The following FREM1 variants were observed in gnomAD, a reference collection of about 807,000 sequenced individuals.
The protein encoded by FREM1 is FRAS1 related extracellular matrix 1, also known as FRAS1-related extracellular matrix protein 1.
FREM1 carries 220 observed loss-of-function variants against 210.1 expected under a neutral mutation model. The ratio of observed to expected loss-of-function variants is 1.05; its 90% CI spans 0.94 to 1.17. The LOEUF is 1.17. Ranked by LOEUF, FREM1 falls within the 50% of genes most tolerant of loss-of-function variation. The probability of loss-of-function intolerance (pLI) is 0.00; values close to 1 mark genes in which losing one functional copy is unlikely to be tolerated. For missense variants in FREM1, 3,454 were observed against 2,675.5 expected (o/e 1.29, Z -6.42); for synonymous variants, 1,189 against 980.2 (o/e 1.21, Z -3.98).
chr9:14,857,446 A>G (rs565682389), intron 5 of FREM1, 107 bp downstream of exon 5: 725 of 989,840 alleles, frequency 7.3e-4, no homozygotes, highest in Middle Eastern at 1.2e-3. Context: ...TTTACCCCCA[A>G]AAGCACAGGA....
rs1554708124 is a variant in FREM1 at position 14,861,036 on chromosome 9, T to TACATATAC, written c.330-1553_330-1552insGTATATGT. On this transcript the variant is annotated intron_variant, in intron 3 of 36. Transcript: ENST00000380880. Reference sequence around the variant, plus strand: ...ACATATATACACATATATACATATATACATATATACATATATACATATATA... The same window carrying TACATATAC: ...ACATATATACACATATATACATATATACATATACACATATATACATATATACATATATA... Among the ~76,000 whole-genome samples, 19 of 65,772 alleles carry TACATATAC rather than the reference T, an allele frequency of 2.9e-4. 2 individuals are homozygous for TACATATAC. In the East Asian group the frequency reaches 0.023, roughly 78 times the overall value. The allele number at this position is 65,772 out of a possible 152,430, so 43.1% of individuals were successfully genotyped here.
At chr9:14,779,443 C>A in intron 24 of FREM1, 1 of 982,078 alleles carries the variant, frequency 1.0e-6, no homozygotes, top group Non-Finnish European at 1.2e-6. Context: ...CCAGGAGCAA[C>A]AAACCCAAAT....
At chr9:14,840,151 A>G (rs186115887) in intron 10 of FREM1, among the ~76,000 whole-genome samples, 41 of 152,316 alleles carry the variant, frequency 2.7e-4, no homozygotes, top group African/African-American at 8.9e-4. Context: ...TCATCTATGC[A>G]TTAGCTAATG....
intron 29 of FREM1, among the ~76,000 whole-genome samples, chr9:14,751,371 G>A (rs936260195): frequency 2.0e-5 from 3 of 152,040 alleles, no homozygotes; most frequent in African/African-American, 4.8e-5. Context: ...ACTCTTGGCC[G>A]GGTGCAGTGG....
chr9:14,744,142 G>T (rs1194990513), intron 35 of FREM1, among the ~76,000 whole-genome samples: 1 of 151,928 alleles, frequency 6.6e-6, no homozygotes, highest in African/African-American at 2.4e-5. Flanking sequence ...TAACCTCTCT[G>T]GTGACTCTAC....
intron 19 of FREM1, 63 bp downstream of exon 19, chr9:14,804,893 A>G: frequency 8.0e-7 from 1 of 1,254,012 alleles, no homozygotes; most frequent in Non-Finnish European, 1.2e-6. Context: ...ATGTAAATGG[A>G]CTAATTGAAA....
chr9:14,872,514 A>C (rs1228735018), intron 1 of FREM1, among the ~76,000 whole-genome samples: 1 of 152,128 alleles, frequency 6.6e-6, no homozygotes, highest in Admixed American at 6.5e-5. Context: ...TTGTATATTG[A>C]TTTTGTATCC....
At chr9:14,873,045 T>A (rs1314450968) in intron 1 of FREM1, among the ~76,000 whole-genome samples, 1 of 152,128 alleles carries the variant, frequency 6.6e-6, no homozygotes, top group Non-Finnish European at 1.5e-5. Flanking sequence ...GATAAGCTTT[T>A]TGATGTGCTG....
rs926614570 is a variant in FREM1 at position 14,897,883 on chromosome 9, C to G, written c.-268+12031G>C. Among the ~76,000 whole-genome samples, 18 of 152,332 alleles carry G rather than the reference C, an allele frequency of 1.2e-4. No homozygotes were observed. In the South Asian group the frequency reaches 3.7e-3, roughly 32 times the overall value. On this transcript the variant is annotated intron_variant, in intron 1 of 36. Coordinates refer to ENST00000380880, the MANE Select transcript of FREM1 (RefSeq NM_001379081.2). ...TGCTGGGATTATAGGCATGAGCCAT[C>G]AAGCCTAGCCAAGGAGTCTAATAAG... is the stretch of plus-strand genomic sequence containing the variant.
At chr9:14,876,512 A>G (rs2381975) in intron 1 of FREM1, among the ~76,000 whole-genome samples, 76,948 of 152,042 alleles carry the variant, frequency 0.51, 20,895 homozygotes, top group East Asian at 0.71. Context: ...CTGGTGCGCC[A>G]TGTTTTAAGC....
rs542792892 is a variant in FREM1, at chr9:14,903,123, G to C, written c.-268+6791C>G. On this transcript the variant is annotated intron_variant, in intron 1 of 36. Coordinates refer to ENST00000380880, the MANE Select transcript of FREM1 (RefSeq NM_001379081.2). ...ATTGTTCCAAAATTTCTAAGAGCTT[G>C]AGACATAGACTATTTTTCAAAATTT... Among the ~76,000 whole-genome samples, 9 of 152,240 alleles carry C rather than the reference G, an allele frequency of 5.9e-5. No individual in the cohort carries two copies. The South Asian group carries it at 1.9e-3, about 32-fold the overall frequency.
At chr9:14,894,576 A>G (rs1588636199) in intron 1 of FREM1, among the ~76,000 whole-genome samples, 1 of 152,262 alleles carries the variant, frequency 6.6e-6, no homozygotes, top group East Asian at 1.9e-4. Flanking sequence ...AGTTAACTGC[A>G]TGGACTGAAC....
intron 6 of FREM1, among the ~76,000 whole-genome samples, chr9:14,849,704 C>G (rs1225013689): frequency 6.6e-6 from 1 of 152,204 alleles, no homozygotes; most frequent in East Asian, 1.9e-4. Context: ...CGGTTGGGCC[C>G]TGGCCCAGGG....
chr9:14,873,151 C>A (rs541137700), intron 1 of FREM1, among the ~76,000 whole-genome samples: 2 of 152,016 alleles, frequency 1.3e-5, no homozygotes, highest in East Asian at 1.9e-4. Context: ...GTGTCTCTGC[C>A]AGGCTTTGGT....
intron 35 of FREM1, among the ~76,000 whole-genome samples, chr9:14,745,262 A>C (rs150658236): frequency 0.011 from 1,606 of 152,326 alleles, 38 homozygotes; most frequent in African/African-American, 0.037. Context: ...CCCTGAACTT[A>C]AAATAAAAGT....
Position 14,782,763 on chromosome 9 carries a change from C to T in FREM1, c.4442+1607G>A, listed in dbSNP as rs867240396. On this transcript the variant is annotated intron_variant, in intron 24 of 36. Coordinates refer to ENST00000380880, the MANE Select transcript of FREM1 (RefSeq NM_001379081.2). ...ACACTTACTTAGTTCTTCCTATGTGCCAGGTGTTGTTCTACTAATACTTTA... is the reference window on the plus strand; with the variant it reads ...ACACTTACTTAGTTCTTCCTATGTGTCAGGTGTTGTTCTACTAATACTTTA... Among the ~76,000 whole-genome samples the T allele has an allele frequency of 5.9e-5, 9 of 152,264 alleles. 1 individual carries two copies. In the South Asian group the frequency reaches 1.9e-3, roughly 32 times the overall value.
rs1820862071 is a variant in FREM1 at position 14,819,356 on chromosome 9, C to G, written c.2424G>C (p.Lys808Asn). The G allele has an allele frequency of 6.2e-7, 1 of 1,613,626 alleles. No homozygotes were observed. Among genetic ancestry groups the G allele is most frequent in the Non-Finnish European group, 8.5e-7 (1 of 1,179,588 alleles). The change falls in exon 14 of 37, where the codon AAG becomes AAC. Residue 808 changes from lysine to asparagine, a missense_variant. By Grantham distance (94) the Lys-to-Asn change is moderately conservative. Coordinates refer to ENST00000380880, the MANE Select transcript of FREM1 (RefSeq NM_001379081.2). Reference sequence around the variant, plus strand: ...GCAGGGAGAGGTCAATATTGTCCAGCTTGGTATCTGCATCAGAAATTAGAA... The same window carrying G: ...GCAGGGAGAGGTCAATATTGTCCAGGTTGGTATCTGCATCAGAAATTAGAA... ...EHILISDADT[K>N]LDNIDLSLRE...
chr9:14,789,667 C>T (rs1206412095), intron 22 of FREM1, among the ~76,000 whole-genome samples: 1 of 152,152 alleles, frequency 6.6e-6, no homozygotes, highest in East Asian at 1.9e-4. Flanking sequence ...TCACTACCTA[C>T]ATTTATATCC....
chr9:14,743,538 A>G (rs767084319), intron 35 of FREM1, among the ~76,000 whole-genome samples: 2 of 152,138 alleles, frequency 1.3e-5, no homozygotes, highest in Non-Finnish European at 2.9e-5. Context: ...GACTGAATGG[A>G]AAGATATTTC....
Sources: allele counts gnomAD v4.1 joint callset (sites outside exome capture counted in the v4.1 genomes callset), GRCh38; gene constraint gnomAD v4.1.1; transcripts MANE v1.5; gene names NCBI Gene and HGNC (gene_info 2026-07-23, HGNC 2026-07-21).